Variants in ZFP41 observed in about 807,000 individuals in gnomAD.
ZFP41 encodes zinc finger protein 41 homolog.
A neutral mutation model predicts 11.6 loss-of-function variants in ZFP41; 10 were observed. That is an observed-to-expected ratio of 0.86 (90% confidence interval 0.53 to 1.47). The LOEUF (loss-of-function observed/expected upper bound fraction) is 1.47. Among genes scored for constraint, ZFP41 ranks in the 40% most tolerant of loss-of-function variants. ZFP41 has a pLI of 0.00. For synonymous variants in ZFP41, 123 were observed against 100.9 expected (o/e 1.22, Z -1.31); for missense variants, 302 against 264.6 (o/e 1.14, Z -0.98).
intron 2 of ZFP41, among the ~76,000 whole-genome samples, chr8:143,252,256 C>T (rs1383820195): frequency 6.6e-6 from 1 of 152,250 alleles, no homozygotes; most frequent in Non-Finnish European, 1.5e-5. Context: ...GGGTCCTGAC[C>T]CGCAGGGCAG....
rs1011978534 is a variant in ZFP41, at chr8:143,260,892, C to A, written c.*2018C>A. ...GAGAACCTCAAATGTTGTGACTTTG[C>A]TCTGCTGCAGGGACCTGCCATGGAG... is the stretch of plus-strand genomic sequence containing the variant. On this transcript the variant is annotated 3_prime_UTR_variant, in exon 3 of 3. Coordinates refer to ENST00000330701, the MANE Select transcript of ZFP41 (RefSeq NM_173832.6). 1 of 160,736 alleles carries A rather than the reference C, an allele frequency of 6.2e-6. No homozygotes were observed. Among genetic ancestry groups the A allele is most frequent in the Admixed American group, 6.5e-5 (1 of 15,340 alleles). 10.0% of individuals were successfully genotyped at this position (160,736 alleles called of 1,614,324 possible).
chr8:143,252,114 A>G (rs1249960115), intron 2 of ZFP41, among the ~76,000 whole-genome samples: 1 of 152,246 alleles, frequency 6.6e-6, no homozygotes, highest in Non-Finnish European at 1.5e-5. Flanking sequence ...AGAAATAGAA[A>G]TAGCCTAGAA....
At position 143,250,399 on chromosome 8, in the gene ZFP41, CTCA is replaced by C. The variant is rs776067813; in HGVS notation, c.559_561del (p.Ile187del). On this transcript the variant is annotated inframe_deletion, in exon 2 of 3. Transcript: ENST00000330701. ...GAAAGCCTTTGCCTACAGCTCCTGT[CTCA>C]TCCGCCATCAGAAACGCCACCCTCG... 2.6e-5 allele frequency: 42 copies of C among 1,612,856 alleles called. No homozygotes were observed. In the Middle Eastern group the frequency reaches 6.6e-4, roughly 25 times the overall value.
rs1391999766 is a variant in ZFP41 at position 143,261,981 on chromosome 8, C to T, written c.*3107C>T. ...GTCTCCGGCAGCCCCTGCCCGCACCCGCACCCCTGCACCTGCCACGCCCGT... is the reference window on the plus strand; with the variant it reads ...GTCTCCGGCAGCCCCTGCCCGCACCTGCACCCCTGCACCTGCCACGCCCGT... On this transcript the variant is annotated 3_prime_UTR_variant, in exon 3 of 3. Transcript: ENST00000330701. 2 of 217,642 alleles carry T rather than the reference C, an allele frequency of 9.2e-6. No individual in the cohort carries two copies. Among genetic ancestry groups the T allele is most frequent in the African/African-American group, 2.5e-5 (1 of 40,730 alleles). 13.5% of individuals were successfully genotyped at this position (217,642 alleles called of 1,614,324 possible). A position where few individuals can be genotyped will look rare whatever the true frequency, so the allele number is the denominator to read the frequency against.
At chr8:143,256,255 TAGTG>T (rs1814910236) in intron 2 of ZFP41, among the ~76,000 whole-genome samples, 1 of 102,714 alleles carries the variant, frequency 9.7e-6, no homozygotes, top group Admixed American at 9.3e-5. Flanking sequence ...GTGCTGGTGT[TAGTG>T]AGATCACGGC....
chr8:143,250,447 G>A lies in ZFP41; in HGVS notation c.*7G>A. The A allele has an allele frequency of 1.2e-6, 2 of 1,605,764 alleles. No homozygotes were observed. The highest frequency in any genetic ancestry group is 1.1e-5 in the South Asian group (1 of 90,860). Reference sequence around the variant, plus strand: ...CCCTCGGAAGAAGCCCTGAGCCGGGGCCATCTGCGGACTCGGGCCCTGCGG... The same window carrying A: ...CCCTCGGAAGAAGCCCTGAGCCGGGACCATCTGCGGACTCGGGCCCTGCGG... On this transcript the variant is annotated 3_prime_UTR_variant, in exon 2 of 3. Coordinates refer to ENST00000330701, the MANE Select transcript of ZFP41 (RefSeq NM_173832.6).
rs1586719489 is a variant in ZFP41 at position 143,260,604 on chromosome 8, A to C, written c.*1730A>C. 1 of 177,958 alleles carries C rather than the reference A, an allele frequency of 5.6e-6. No individual in the cohort carries two copies. Among genetic ancestry groups the C allele is most frequent in the Non-Finnish European group, 1.2e-5 (1 of 82,380 alleles). 11.0% of individuals were successfully genotyped at this position (177,958 alleles called of 1,614,324 possible). On this transcript the variant is annotated 3_prime_UTR_variant, in exon 3 of 3. Coordinates refer to ENST00000330701, the MANE Select transcript of ZFP41 (RefSeq NM_173832.6). ...CAGCCCCGGGCTCCGCCTGGACAGCACCTCCTGGGCCGCCCTGACCAGCAG... is the reference window on the plus strand; with the variant it reads ...CAGCCCCGGGCTCCGCCTGGACAGCCCCTCCTGGGCCGCCCTGACCAGCAG...
chr8:143,253,405 C>A (rs767764022), intron 2 of ZFP41: 7 of 152,244 alleles, frequency 4.6e-5, no homozygotes, highest in Non-Finnish European at 1.0e-4. Flanking sequence ...ATTCTTGGCA[C>A]TGCAGCCATA....
At chr8:143,248,772 G>A (rs1355202633) in intron 1 of ZFP41, among the ~76,000 whole-genome samples, 1 of 152,008 alleles carries the variant, frequency 6.6e-6, no homozygotes, top group Non-Finnish European at 1.5e-5. Context: ...CAGTTCTGGC[G>A]CCCACCTGAT....
At position 143,262,180 on chromosome 8, in the gene ZFP41, G is replaced by A. The variant is rs1300428286; in HGVS notation, c.*3306G>A. ...GGGCCCAGGTGCAGGTCTGTGAGGA[G>A]GGCAGCCCCGTGCTCCCGTGGCCAC... On this transcript the variant is annotated 3_prime_UTR_variant, in exon 3 of 3. Coordinates refer to ENST00000330701, the MANE Select transcript of ZFP41 (RefSeq NM_173832.6). 1 of 163,550 alleles carries A rather than the reference G, an allele frequency of 6.1e-6. No individual in the cohort carries two copies. 10.1% of individuals were successfully genotyped at this position (163,550 alleles called of 1,614,324 possible). A position where few individuals can be genotyped will look rare whatever the true frequency, so the allele number is the denominator to read the frequency against.
At chr8:143,251,869 T>G (rs1291177816) in intron 2 of ZFP41, among the ~76,000 whole-genome samples, 3 of 152,210 alleles carry the variant, frequency 2.0e-5, no homozygotes, top group African/African-American at 7.2e-5. Flanking sequence ...ACTGGGAGGA[T>G]GCTTCAGTCC....
chr8:143,253,145 TC>T (rs1814818476), intron 2 of ZFP41: 1 of 1,054 alleles, frequency 9.5e-4, no homozygotes, highest in African/African-American at 0.024. Context: ...CCAGGCACAG[TC>T]AACTGCAGGC....
intron 2 of ZFP41, among the ~76,000 whole-genome samples, chr8:143,257,517 TAAGTA>T (rs1411348275): frequency 6.6e-6 from 1 of 152,014 alleles, no homozygotes; most frequent in Non-Finnish European, 1.5e-5. Context: ...AATACATAAA[TAAGTA>T]AATAAAGCCA....
rs1815068113 is a variant in ZFP41, at chr8:143,262,331, A to AGCC, written c.*3467_*3469dup. The AGCC allele has an allele frequency of 6.5e-6, 1 of 153,636 alleles. No individual in the cohort carries two copies. Among genetic ancestry groups the AGCC allele is most frequent in the Admixed American group, 6.5e-5 (1 of 15,292 alleles). The allele number at this position is 153,636 out of a possible 1,614,324, so 9.5% of individuals were successfully genotyped here. A position where few individuals can be genotyped will look rare whatever the true frequency, so the allele number is the denominator to read the frequency against. ...TCACATTCCCCAGGCATGCATGTGC[A>AGCC]GCCGCCGCCGCCACCCATGTACTGT... On this transcript the variant is annotated 3_prime_UTR_variant, in exon 3 of 3. Transcript: ENST00000330701.
In ZFP41 at chr8:143,250,607, A is replaced by C; in HGVS notation, c.*167A>C. On this transcript the variant is annotated 3_prime_UTR_variant, in exon 2 of 3. Transcript: ENST00000330701. ...GCCCAGTCAGATGTGGGAACGTGCC[A>C]GCGAGGGAGAGACCTTTCCACTGCA... The C allele has an allele frequency of 9.1e-7, 1 of 1,099,966 alleles. No individual in the cohort carries two copies. Among genetic ancestry groups the C allele is most frequent in the South Asian group, 1.6e-5 (1 of 60,942 alleles). The allele number at this position is 1,099,966 out of a possible 1,614,324, so 68.1% of individuals were successfully genotyped here.
chr8:143,249,529 G>T, intron 1 of ZFP41, 161 bp from the exon 2 acceptor site: 1 of 253,768 alleles, frequency 3.9e-6, no homozygotes. Flanking sequence ...ATCGAGACAA[G>T]GAAAGGCCGG....
rs773810515 is a variant in ZFP41 at position 143,250,038 on chromosome 8, C to T, written c.195C>T (p.Asp65=). The change falls in exon 2 of 3, where the codon GAC becomes GAT. Residue 65 remains aspartate (D), a synonymous_variant. Transcript: ENST00000330701. The part of the protein sequence containing the change: ...EDEEHVFDAF[D]ASFKDDFEGV... ...AAGAGCACGTCTTTGATGCCTTCGA[C>T]GCTTCATTTAAAGATGACTTTGAGG... is the stretch of plus-strand genomic sequence containing the variant. 3.0e-5 allele frequency: 48 copies of T among 1,614,018 alleles called. No individual in the cohort carries two copies. Among genetic ancestry groups the T allele is most frequent in the Non-Finnish European group, 3.6e-5 (43 of 1,180,032 alleles).
rs1312731631 is a variant in ZFP41 at position 143,261,461 on chromosome 8, G to A, written c.*2587G>A. The A allele has an allele frequency of 6.5e-6, 1 of 152,734 alleles. No homozygotes were observed. Among genetic ancestry groups the A allele is most frequent in the Non-Finnish European group, 1.5e-5 (1 of 68,452 alleles). The allele number at this position is 152,734 out of a possible 1,614,324, so 9.5% of individuals were successfully genotyped here. On this transcript the variant is annotated 3_prime_UTR_variant, in exon 3 of 3. Transcript: ENST00000330701. ...GGAACAGCTGAGGTCCAGGGACGCA[G>A]GAAGGATGGGGTGAACTCCGGGATG...
chr8:143,255,638 G>A (rs1168788617), intron 2 of ZFP41, among the ~76,000 whole-genome samples: 1 of 131,094 alleles, frequency 7.6e-6, no homozygotes, highest in Non-Finnish European at 1.6e-5. Context: ...CCCGCGTGCT[G>A]GTGTTAGTGA....
Sources: gnomAD v4.1 joint callset for allele counts (sites outside exome capture counted in the v4.1 genomes callset) on GRCh38, gnomAD v4.1.1 for gene constraint, MANE v1.5 for transcripts, NCBI Gene and HGNC (gene_info 2026-07-23, HGNC 2026-07-21) for gene names.